The following SH2D3A variants were observed in gnomAD, a reference collection of about 807,000 sequenced individuals.
The protein encoded by SH2D3A is SH2 domain-containing protein 3A.
In SH2D3A, 46 loss-of-function variants were observed where a neutral mutation model predicts 50.6. The observed-to-expected ratio is 0.91, with a 90% confidence interval of 0.72 to 1.16. SH2D3A has a LOEUF of 1.16. Among genes scored for constraint, SH2D3A ranks in the 50% most tolerant of loss-of-function variants. The pLI, the probability that SH2D3A is intolerant of heterozygous loss-of-function variation, is 0.00. For missense variants in SH2D3A, 783 were observed against 786.2 expected (o/e 1.00, Z 0.05); for synonymous variants, 377 against 348.4 (o/e 1.08, Z -0.91).
intron 2 of SH2D3A, chr19:6,761,275 T>TA (rs1970004933): frequency 2.7e-6 from 1 of 363,786 alleles, no homozygotes; most frequent in South Asian, 4.2e-5. Flanking sequence ...ACCTGGCGCA[T>TA]AAAACCCTGC....
In SH2D3A at chr19:6,760,914, A is replaced by T; in HGVS notation, c.143T>A (p.Val48Glu). ...TGAGCCCCGCCAGCGGCAGGAGATC[A>T]CGGGGTTGCCCCCACGGGACCCAGA... ...RASGSRGGNP[V>E]ISCRWRGSAL... is the part of the protein sequence containing the mutation. Residue 48 changes from valine (V) to glutamate (E), a missense_variant, in exon 3 of 10, where the codon GTG becomes GAG. By Grantham distance (121) the Val-to-Glu change is moderately radical (BLOSUM62 -2). Transcript: ENST00000245908. 1 of 1,614,184 alleles carries T rather than the reference A, an allele frequency of 6.2e-7. No individual in the cohort carries two copies. Among genetic ancestry groups the T allele is most frequent in the South Asian group, 1.1e-5 (1 of 91,080 alleles).
intron 3 of SH2D3A, among the ~76,000 whole-genome samples, chr19:6,760,055 A>G (rs1031271316): frequency 1.3e-5 from 2 of 151,940 alleles, no homozygotes; most frequent in African/African-American, 2.4e-5. Context: ...CCAGGCCAAC[A>G]TGGTGAAACC....
In SH2D3A at chr19:6,752,600, T is replaced by C; in HGVS notation, c.1724A>G (p.Asp575Gly). Residue 575 changes from aspartate (D) to glycine (G), a missense_variant, in exon 10 of 10, where the codon GAC becomes GGC. By Grantham distance (94) the Asp-to-Gly change is moderately conservative. Coordinates refer to ENST00000245908, the MANE Select transcript of SH2D3A (RefSeq NM_005490.3). ...LGVLSQRLEPDR is the reference protein window; with the variant it reads ...LGVLSQRLEPGR ...AGAAGGGTGTCTGCGCTCTCAGCGG[T>C]CAGGCTCCAGGCGCTGCGACAGGAC... is the stretch of plus-strand genomic sequence containing the variant. 1 of 1,551,074 alleles carries C rather than the reference T, an allele frequency of 6.4e-7. No individual in the cohort carries two copies. Among genetic ancestry groups the C allele is most frequent in the Non-Finnish European group, 8.7e-7 (1 of 1,145,398 alleles).
chr19:6,752,983 C>T, intron 9 of SH2D3A: 1 of 985,354 alleles, frequency 1.0e-6, no homozygotes, highest in Non-Finnish European at 1.2e-6. Context: ...AATGGGGTGG[C>T]CTGTTCCAGG....
chr19:6,759,377 T>C, intron 4 of SH2D3A: 1 of 437,506 alleles, frequency 2.3e-6, no homozygotes, highest in Non-Finnish European at 4.2e-6. Context: ...CCTCCCAAAG[T>C]GCTGGGATTA....
chr19:6,760,977 G>C lies in SH2D3A; in HGVS notation c.80C>G (p.Ala27Gly), dbSNP rs762496110. ...GAAGTCGCCATTTTGCTGAAGAAGA[G>C]CTTCAGCCTTCTGTGGATGAAGTTC... ...HGLLSRQKAE[A>G]LLQQNGDFLV... Residue 27 changes from alanine (A) to glycine (G), a missense_variant, in exon 3 of 10, where the codon GCT (alanine) becomes GGT (glycine). By Grantham distance (60) the Ala-to-Gly change is moderately conservative (BLOSUM62 0). Transcript: ENST00000245908. 6 of 1,608,874 alleles carry C rather than the reference G, an allele frequency of 3.7e-6. No homozygotes were observed. The East Asian group carries it at 8.9e-5, about 24-fold the overall frequency.
chr19:6,752,624 A>T lies in SH2D3A; in HGVS notation c.1700T>A (p.Val567Asp). Residue 567 changes from valine (V) to aspartate (D), a missense_variant, in exon 10 of 10, where the codon GTC becomes GAC. Coordinates refer to ENST00000245908, the MANE Select transcript of SH2D3A (RefSeq NM_005490.3). Reference sequence around the variant, plus strand: ...GTCAGGCTCCAGGCGCTGCGACAGGACGCCGAGGACGCGCTGGAACTTCTC... The same window carrying T: ...GTCAGGCTCCAGGCGCTGCGACAGGTCGCCGAGGACGCGCTGGAACTTCTC... ...RFEKFQRVLG[V>D]LSQRLEPDR 6.4e-7 allele frequency: 1 copy of T among 1,557,778 alleles called. No individual in the cohort carries two copies. The highest frequency in any genetic ancestry group is 2.4e-5 in the East Asian group (1 of 42,148).
chr19:6,758,969 A>G (rs1220165543), intron 4 of SH2D3A: 1 of 152,250 alleles, frequency 6.6e-6, no homozygotes, highest in Admixed American at 6.6e-5. Flanking sequence ...GTAAAATGCA[A>G]AGGCCCCGAG....
intron 3 of SH2D3A, among the ~76,000 whole-genome samples, chr19:6,760,021 G>T (rs766978829): frequency 6.6e-6 from 1 of 151,472 alleles, no homozygotes; most frequent in South Asian, 2.1e-4. Flanking sequence ...GGGCGGTCAC[G>T]TGAGGTCAAA....
At chr19:6,754,004 A>T in intron 8 of SH2D3A, 48 bp downstream of exon 8, 2 of 1,535,026 alleles carry the variant, frequency 1.3e-6, no homozygotes, top group Non-Finnish European at 1.8e-6. Flanking sequence ...GTCCTGTTAA[A>T]TTTGGTCTGG....
At position 6,755,065 on chromosome 19, in the gene SH2D3A, G is replaced by A. The variant is rs1442960989; in HGVS notation, c.747C>T (p.Ser249=). ...PSVQGTSPSQ[S]CPEPEAPWWE... ...ACCATGGGGCCTCTGGCTCTGGGCA[G>A]CTTTGGCTCGGGGATGTTCCCTGGA... The change falls in exon 5 of 10, where the codon AGC becomes AGT. Residue 249 remains serine (S), a synonymous_variant. Coordinates refer to ENST00000245908, the MANE Select transcript of SH2D3A (RefSeq NM_005490.3). 1.2e-6 allele frequency: 2 copies of A among 1,613,800 alleles called. No individual in the cohort carries two copies. The highest frequency in any genetic ancestry group is 2.7e-5 in the African/African-American group (2 of 74,832).
At chr19:6,766,848 T>C (rs1970326224) in intron 1 of SH2D3A, among the ~76,000 whole-genome samples, 1 of 152,082 alleles carries the variant, frequency 6.6e-6, no homozygotes, top group South Asian at 2.1e-4. Context: ...TAAAGTGACA[T>C]TGGAACTGAG....
chr19:6,755,333 G>C lies in SH2D3A; in HGVS notation c.497-18C>G. On this transcript the variant is annotated intron_variant, in intron 4 of 9. Coordinates refer to ENST00000245908, the MANE Select transcript of SH2D3A (RefSeq NM_005490.3). ...GGAGGCTTCTAGAGGTCATACAAGA[G>C]GGGTCAATGGGAATACACAGGGAAG... is the stretch of plus-strand genomic sequence containing the variant. 6.8e-7 allele frequency: 1 copy of C among 1,474,520 alleles called. No homozygotes were observed. Among genetic ancestry groups the C allele is most frequent in the Non-Finnish European group, 9.0e-7 (1 of 1,106,598 alleles). The allele number at this position is 1,474,520 out of a possible 1,614,324, so 91.3% of individuals were successfully genotyped here.
In SH2D3A at chr19:6,754,275, G is replaced by A. The variant is rs1304388629; in HGVS notation, c.1248C>T (p.Val416=). 1.9e-6 allele frequency: 3 copies of A among 1,593,336 alleles called. No individual in the cohort carries two copies. The highest frequency in any genetic ancestry group is 2.6e-6 in the Non-Finnish European group (3 of 1,175,944). The change falls in exon 7 of 10, where the codon GTC becomes GTT. Residue 416 remains valine (V), a synonymous_variant. Transcript: ENST00000245908. The part of the protein sequence containing the change: ...AAGDLPGLAA[V]MGALLMPQVS... ...CCTGGGGCATGAGCAGGGCGCCCATGACTGCAGCCAGCCCGGGCAGGTCCC... is the reference window on the plus strand; with the variant it reads ...CCTGGGGCATGAGCAGGGCGCCCATAACTGCAGCCAGCCCGGGCAGGTCCC...
intron 4 of SH2D3A, 73 bp from the exon 5 acceptor site, chr19:6,755,388 A>G (rs1277166089): frequency 9.4e-7 from 1 of 1,065,236 alleles, no homozygotes; most frequent in Non-Finnish European, 1.3e-6. Context: ...TGAGAGCTTC[A>G]TCGGCTACCA....
intron 9 of SH2D3A, chr19:6,753,085 G>A (rs1331687552): frequency 1.5e-5 from 15 of 985,164 alleles, no homozygotes; most frequent in Non-Finnish European, 1.8e-5. Context: ...AAGGTGGGGG[G>A]ATCTTGCCGG....
At chr19:6,753,762 AG>A in intron 8 of SH2D3A, 121 bp from the exon 9 acceptor site, 1 of 1,111,104 alleles carries the variant, frequency 9.0e-7, no homozygotes, top group African/African-American at 1.6e-5. Flanking sequence ...GTCTGTGGAG[AG>A]GGGCCAGGAC....
rs1328906531 is a variant in SH2D3A at position 6,755,181 on chromosome 19, T to C, written c.631A>G (p.Thr211Ala). The C allele has an allele frequency of 1.3e-6, 2 of 1,595,852 alleles. No homozygotes were observed. The highest frequency in any genetic ancestry group is 1.3e-5 in the African/African-American group (1 of 74,638). Residue 211 changes from threonine to alanine, a missense_variant, in exon 5 of 10, where the codon ACG (threonine) becomes GCG (alanine). Thr to Ala is a moderately conservative substitution (Grantham distance 58). Transcript: ENST00000245908. ...SDGQLQAKAP[T>A]KPPRTPSFEL... ...AAGGAGGGTGTCCGGGGGGGCTTCG[T>C]TGGTGCCTTGGCTTGAAGCTGCCCA...
At position 6,752,480 on chromosome 19, in the gene SH2D3A, G is replaced by T; in HGVS notation, c.*113C>A. ...CTGCGGTCCCCACCTCTTCTGTGAG[G>T]CACAGGGCAGGATTCCACCTGAGGC... On this transcript the variant is annotated 3_prime_UTR_variant, in exon 10 of 10. Transcript: ENST00000245908. 2 of 1,021,882 alleles carry T rather than the reference G, an allele frequency of 2.0e-6. No homozygotes were observed. The highest frequency in any genetic ancestry group is 2.6e-6 in the Non-Finnish European group (2 of 756,122). 63.3% of individuals were successfully genotyped at this position (1,021,882 alleles called of 1,614,324 possible).
Sources: allele counts gnomAD v4.1 joint callset (sites outside exome capture counted in the v4.1 genomes callset), GRCh38; gene constraint gnomAD v4.1.1; transcripts MANE v1.5; gene names NCBI Gene and HGNC (gene_info 2026-07-23, HGNC 2026-07-21).